The following KRCC1 variants were observed in gnomAD, a reference collection of about 807,000 sequenced individuals.
KRCC1 encodes lysine rich coiled-coil 1.
KRCC1 carries 3 observed loss-of-function variants against 7.4 expected under a neutral mutation model. That is an observed-to-expected ratio of 0.40 (90% CI 0.18 to 1.04). KRCC1 has a LOEUF of 1.04. Among genes scored for constraint, KRCC1 ranks in the 50% least tolerant of loss-of-function variants. The probability of loss-of-function intolerance (pLI) is 0.33; values close to 1 mark genes in which losing one functional copy is unlikely to be tolerated. For synonymous variants in KRCC1, 102 were observed against 101.6 expected (o/e 1.00, Z -0.02); for missense variants, 277 against 300.9 (o/e 0.92, Z 0.59).
intron 1 of KRCC1, among the ~76,000 whole-genome samples, chr2:88,046,254 ATTAAG>A (rs1043689308): frequency 7.9e-5 from 12 of 152,214 alleles, no homozygotes; most frequent in African/African-American, 2.4e-4. Context: ...TCTGCCACTT[ATTAAG>A]TTATGTAACC....
At chr2:88,037,482 G>C (rs554200890) in intron 1 of KRCC1, among the ~76,000 whole-genome samples, 7 of 152,074 alleles carry the variant, frequency 4.6e-5, no homozygotes, top group African/African-American at 1.4e-4. Flanking sequence ...TTTAAAACAG[G>C]GTCTGGCTCT....
chr2:88,045,986 G>T (rs1490509475), intron 1 of KRCC1, among the ~76,000 whole-genome samples: 1 of 152,098 alleles, frequency 6.6e-6, no homozygotes, highest in African/African-American at 2.4e-5. Flanking sequence ...GGCCTGAATT[G>T]TACATGTTAT....
chr2:88,049,568 A>G (rs1673422166), intron 1 of KRCC1, among the ~76,000 whole-genome samples: 1 of 152,164 alleles, frequency 6.6e-6, no homozygotes, highest in Non-Finnish European at 1.5e-5. Flanking sequence ...GAATCACCTG[A>G]GCCTGGGGAA....
intron 3 of KRCC1, among the ~76,000 whole-genome samples, chr2:88,032,350 TG>T (rs202227464): frequency 0.011 from 1,706 of 152,218 alleles, 24 homozygotes; most frequent in Middle Eastern, 0.024. Flanking sequence ...ATTTTTACTG[TG>T]TCTTTTTGTT....
intron 1 of KRCC1, among the ~76,000 whole-genome samples, chr2:88,046,269 C>T (rs558531717): frequency 2.6e-5 from 4 of 152,112 alleles, no homozygotes; most frequent in Non-Finnish European, 5.9e-5. Context: ...GTTATGTAAC[C>T]CTGGTCAAGC....
intron 3 of KRCC1, among the ~76,000 whole-genome samples, 162 bp downstream of exon 3, chr2:88,033,970 TGG>T (rs1673044851): frequency 6.6e-6 from 1 of 151,980 alleles, no homozygotes; most frequent in Non-Finnish European, 1.5e-5. Flanking sequence ...AAACAAAATA[TGG>T]TATATTCATA....
chr2:88,037,356 T>C (rs1673110804), intron 1 of KRCC1, among the ~76,000 whole-genome samples: 1 of 152,242 alleles, frequency 6.6e-6, no homozygotes, highest in African/African-American at 2.4e-5. Context: ...TTTTATGTTT[T>C]AAAGCTAACA....
At chr2:88,051,099 T>A (rs919479212) in intron 1 of KRCC1, among the ~76,000 whole-genome samples, 2 of 151,840 alleles carry the variant, frequency 1.3e-5, no homozygotes, top group African/African-American at 4.8e-5. Context: ...AATTTTTATT[T>A]TTTTTTTTTG....
intron 3 of KRCC1, among the ~76,000 whole-genome samples, chr2:88,032,612 A>G (rs1673016667): frequency 6.6e-6 from 1 of 152,224 alleles, no homozygotes; most frequent in Admixed American, 6.5e-5. Flanking sequence ...GAATGTTCAT[A>G]TAGTTTTATT....
chr2:88,029,822 TTA>T (rs998785728), intron 3 of KRCC1, among the ~76,000 whole-genome samples: 2 of 144,102 alleles, frequency 1.4e-5, no homozygotes, highest in African/African-American at 2.5e-5. Context: ...AATTATAATA[TTA>T]TATATATATA....
At chr2:88,050,449 T>C (rs993929222) in intron 1 of KRCC1, among the ~76,000 whole-genome samples, 6 of 152,264 alleles carry the variant, frequency 3.9e-5, no homozygotes, top group East Asian at 3.9e-4. Flanking sequence ...GGTGAAATCC[T>C]GTCTCTACTA....
Position 88,028,642 on chromosome 2 carries a change from C to CT in KRCC1, c.-22-58dup, listed in dbSNP as rs1419047999. 3,814 of 680,530 alleles carry CT rather than the reference C, an allele frequency of 5.6e-3. 28 individuals are homozygous for CT. In the East Asian group the frequency reaches 0.062, roughly 11 times the overall value. The allele number at this position is 680,530 out of a possible 1,614,324, so 42.2% of individuals were successfully genotyped here. A position where few individuals can be genotyped will look rare whatever the true frequency, so the allele number is the denominator to read the frequency against. On this transcript the variant is annotated intron_variant, in intron 3 of 3. Transcript: ENST00000347055. ...CATCTTGTCCTGAGCATTTCCTTTG[C>CT]TCTTTTTTTTTTTTTTTTTTTTCTT... is the stretch of plus-strand genomic sequence containing the variant.
At chr2:88,036,116 G>A (rs992406421) in intron 2 of KRCC1, among the ~76,000 whole-genome samples, 1 of 152,162 alleles carries the variant, frequency 6.6e-6, no homozygotes, top group Non-Finnish European at 1.5e-5. Context: ...AAAACTAGAT[G>A]AGTTCTCTAA....
At chr2:88,042,098 TC>T (rs1673224172) in intron 1 of KRCC1, among the ~76,000 whole-genome samples, 2 of 144,954 alleles carry the variant, frequency 1.4e-5, no homozygotes, top group Non-Finnish European at 3.0e-5. Flanking sequence ...TCTCCCTCTG[TC>T]CCCCAGACTG....
chr2:88,037,638 C>T (rs1214084875), intron 1 of KRCC1, among the ~76,000 whole-genome samples: 3 of 152,120 alleles, frequency 2.0e-5, no homozygotes, highest in Non-Finnish European at 4.4e-5. Context: ...CGAACTCCCG[C>T]GCTCAGGTGA....
At chr2:88,034,527 A>T (rs1381779463) in intron 2 of KRCC1, among the ~76,000 whole-genome samples, 2 of 152,328 alleles carry the variant, frequency 1.3e-5, no homozygotes, top group East Asian at 3.9e-4. Flanking sequence ...GTATATATTT[A>T]TGAAATACAA....
Position 88,028,119 on chromosome 2 carries a change from G to A in KRCC1, c.445C>T (p.His149Tyr), listed in dbSNP as rs757177481. 9.9e-6 allele frequency: 16 copies of A among 1,613,992 alleles called. No individual in the cohort carries two copies. The highest frequency in any genetic ancestry group is 6.7e-5 in the African/African-American group (5 of 74,906). Residue 149 changes from histidine to tyrosine, a missense_variant, in exon 4 of 4, where the codon CAT (histidine) becomes TAT (tyrosine). Coordinates refer to ENST00000347055, the MANE Select transcript of KRCC1 (RefSeq NM_016618.3). ...TGTATCTGTTTGTGACTGGCTTGAT[G>A]AGTACTGGTACTGTTATCTGAGGAG... ...HFSSDNSTST[H>Y]QASHKQIHQK... is the part of the protein sequence containing the mutation.
chr2:88,040,025 C>T (rs2104614611), intron 1 of KRCC1, among the ~76,000 whole-genome samples: 1 of 152,148 alleles, frequency 6.6e-6, no homozygotes, highest in East Asian at 1.9e-4. Flanking sequence ...TTAATAAGAA[C>T]AGGTAAATAC....
rs953581715 is a variant in KRCC1, at chr2:88,055,186, T to G, written c.-291+440A>C. Among the ~76,000 whole-genome samples, 8 of 151,604 alleles carry G rather than the reference T, an allele frequency of 5.3e-5. No homozygotes were observed. In the East Asian group the frequency reaches 9.8e-4, roughly 19 times the overall value. On this transcript the variant is annotated intron_variant, in intron 1 of 3. Transcript: ENST00000347055. ...TAAATCCACCTCTCCCTAAGCGTCCTACGTCAAAGTCTCTACTTTCCAGGA... is the reference window on the plus strand; with the variant it reads ...TAAATCCACCTCTCCCTAAGCGTCCGACGTCAAAGTCTCTACTTTCCAGGA...
Sources: gnomAD v4.1 joint callset for allele counts (sites outside exome capture counted in the v4.1 genomes callset) on GRCh38, gnomAD v4.1.1 for gene constraint, MANE v1.5 for transcripts, NCBI Gene and HGNC (gene_info 2026-07-23, HGNC 2026-07-21) for gene names.